Variants in KCND2 observed in about 807,000 individuals in gnomAD.
KCND2 encodes the protein A-type voltage-gated potassium channel KCND2.
A neutral mutation model predicts 54.4 loss-of-function variants in KCND2; 16 were observed. The observed-to-expected ratio is 0.29, with a 90% confidence interval of 0.20 to 0.45. The LOEUF is 0.45. Among genes scored for constraint, KCND2 ranks in the 20% least tolerant of loss-of-function variants. The probability of loss-of-function intolerance (pLI) is 1.00; values close to 1 mark genes in which losing one functional copy is unlikely to be tolerated. For synonymous variants in KCND2, 317 were observed against 310.7 expected (o/e 1.02, Z -0.21); for missense variants, 486 against 824.2 (o/e 0.59, Z 5.02).
chr7:120,589,899 C>CTAT (rs1792648401), intron 1 of KCND2, among the ~76,000 whole-genome samples: 1 of 152,268 alleles, frequency 6.6e-6, no homozygotes, highest in South Asian at 2.1e-4. Flanking sequence ...CAATGAATTA[C>CTAT]TATTATTATT....
chr7:120,704,954 G>A (rs1483122535), intron 1 of KCND2, among the ~76,000 whole-genome samples: 2 of 152,092 alleles, frequency 1.3e-5, no homozygotes, highest in Non-Finnish European at 2.9e-5. Flanking sequence ...AATCTTAAAT[G>A]AACGTGTAGA....
Position 120,644,729 on chromosome 7 carries a change from G to A in KCND2, c.1116-88174G>A, listed in dbSNP as rs148141153. ...TAAATACTCACTATTGTCAGAAGCC[G>A]GGTTTTATCTTTTGATATTAATTAG... On this transcript the variant is annotated intron_variant, in intron 1 of 5. Coordinates refer to ENST00000331113, the MANE Select transcript of KCND2 (RefSeq NM_012281.3). Among the ~76,000 whole-genome samples, 157 of 152,164 alleles carry A rather than the reference G, an allele frequency of 1.0e-3. 1 individual carries two copies. Among genetic ancestry groups the A allele is most frequent in the Admixed American group, 3.2e-3 (49 of 15,280 alleles).
intron 1 of KCND2, among the ~76,000 whole-genome samples, chr7:120,472,626 T>A (rs1419002657): frequency 6.6e-6 from 1 of 152,108 alleles, no homozygotes; most frequent in Non-Finnish European, 1.5e-5. Flanking sequence ...GTTGGTTGAT[T>A]GGCTGTTTTG....
chr7:120,365,357 A>C (rs929615229), intron 1 of KCND2, among the ~76,000 whole-genome samples: 16 of 152,098 alleles, frequency 1.1e-4, no homozygotes, highest in Non-Finnish European at 2.1e-4. Flanking sequence ...GGTTAGGCAG[A>C]AAGTTAAGAC....
chr7:120,333,866 A>C (rs1433565676), intron 1 of KCND2, among the ~76,000 whole-genome samples: 1 of 152,082 alleles, frequency 6.6e-6, no homozygotes, highest in Non-Finnish European at 1.5e-5. Flanking sequence ...TGGTTTCCAA[A>C]ATATTTTTCA....
intron 1 of KCND2, among the ~76,000 whole-genome samples, chr7:120,381,543 A>G (rs1315337655): frequency 6.6e-6 from 1 of 152,142 alleles, no homozygotes; most frequent in East Asian, 1.9e-4. Flanking sequence ...AATGTGAGGA[A>G]CAAAAGAAAG....
chr7:120,608,053 A>G (rs576288009), intron 1 of KCND2, among the ~76,000 whole-genome samples: 2 of 152,084 alleles, frequency 1.3e-5, no homozygotes, highest in East Asian at 3.9e-4. Flanking sequence ...GAGCCACAAA[A>G]GATTACAAAA....
At chr7:120,368,174 G>C (rs1445872524) in intron 1 of KCND2, among the ~76,000 whole-genome samples, 1 of 152,070 alleles carries the variant, frequency 6.6e-6, no homozygotes, top group Non-Finnish European at 1.5e-5. Flanking sequence ...GTGATGTAAA[G>C]ATTGAGGATT....
At chr7:120,532,015 A>T (rs1304460381) in intron 1 of KCND2, among the ~76,000 whole-genome samples, 1 of 152,038 alleles carries the variant, frequency 6.6e-6, no homozygotes, top group African/African-American at 2.4e-5. Flanking sequence ...TGAGCTGATC[A>T]TTGATTGGAC....
intron 1 of KCND2, among the ~76,000 whole-genome samples, chr7:120,612,002 T>C (rs1035372202): frequency 3.3e-5 from 5 of 152,226 alleles, no homozygotes; most frequent in Non-Finnish European, 7.4e-5. Flanking sequence ...CTCCAAACTC[T>C]GAAATGCACT....
At chr7:120,611,059 G>T (rs897100377) in intron 1 of KCND2, among the ~76,000 whole-genome samples, 2 of 152,220 alleles carry the variant, frequency 1.3e-5, no homozygotes, top group East Asian at 3.9e-4. Flanking sequence ...GAGGATAATT[G>T]CTTACTGAAT....
chr7:120,646,478 T>C (rs1793443669), intron 1 of KCND2, among the ~76,000 whole-genome samples: 1 of 152,232 alleles, frequency 6.6e-6, no homozygotes, highest in Non-Finnish European at 1.5e-5. Context: ...CAATTTTGTT[T>C]ATGGTGATTT....
chr7:120,356,093 G>T (rs926269059), intron 1 of KCND2, among the ~76,000 whole-genome samples: 4 of 151,978 alleles, frequency 2.6e-5, no homozygotes, highest in African/African-American at 9.7e-5. Context: ...TATTAGAAAG[G>T]ACAAACCAGT....
chr7:120,498,777 A>G (rs1281126838), intron 1 of KCND2, among the ~76,000 whole-genome samples: 1 of 152,156 alleles, frequency 6.6e-6, no homozygotes, highest in Non-Finnish European at 1.5e-5. Flanking sequence ...TCCATCTCAA[A>G]AACAAATACG....
At chr7:120,708,343 C>T (rs1792496192) in intron 1 of KCND2, among the ~76,000 whole-genome samples, 1 of 151,936 alleles carries the variant, frequency 6.6e-6, no homozygotes, top group African/African-American at 2.4e-5. Context: ...AAGAGCTGAA[C>T]GAGTAGAAAA....
At chr7:120,316,878 C>T (rs914821656) in intron 1 of KCND2, among the ~76,000 whole-genome samples, 3 of 151,704 alleles carry the variant, frequency 2.0e-5, no homozygotes, top group Non-Finnish European at 4.4e-5. Context: ...ACTTCATCAC[C>T]AGGCTGGAGT....
chr7:120,333,326 G>T (rs1453638713), intron 1 of KCND2, among the ~76,000 whole-genome samples: 1 of 152,086 alleles, frequency 6.6e-6, no homozygotes, highest in Non-Finnish European at 1.5e-5. Context: ...ATTAATTGAT[G>T]TAATTATGTT....
chr7:120,600,958 G>A (rs780011782), intron 1 of KCND2, among the ~76,000 whole-genome samples: 1 of 151,806 alleles, frequency 6.6e-6, no homozygotes, highest in Non-Finnish European at 1.5e-5. Flanking sequence ...TAATTTTACT[G>A]CAACACTATT....
intron 1 of KCND2, among the ~76,000 whole-genome samples, chr7:120,465,158 A>G (rs1198010289): frequency 6.6e-6 from 1 of 152,202 alleles, no homozygotes; most frequent in African/African-American, 2.4e-5. Context: ...GACAGAGACA[A>G]TGGGGCATGG....
Sources: allele counts gnomAD v4.1 joint callset (sites outside exome capture counted in the v4.1 genomes callset), GRCh38; gene constraint gnomAD v4.1.1; transcripts MANE v1.5; gene names NCBI Gene and HGNC (gene_info 2026-07-23, HGNC 2026-07-21).